Variants in SV2C observed in about 807,000 individuals in gnomAD.
SV2C encodes synaptic vesicle glycoprotein 2C.
In SV2C, 49 loss-of-function variants were observed where a neutral mutation model predicts 79.7. The ratio of observed to expected loss-of-function variants is 0.61; its 90% CI spans 0.49 to 0.78. The LOEUF (loss-of-function observed/expected upper bound fraction) is 0.78, where lower values mean the gene tolerates loss of function less well. SV2C is among the 30% of genes least tolerant of loss of function. SV2C has a pLI of 0.00. For synonymous variants in SV2C, 334 were observed against 333.2 expected, an observed-to-expected ratio of 1.00 and a Z score of -0.03; for missense variants, 833 against 912.9, an observed-to-expected ratio of 0.91 and a Z score of 1.13.
chr5:76,309,990 TG>T (rs1748370115), intron 12 of SV2C, among the ~76,000 whole-genome samples: 1 of 152,020 alleles, frequency 6.6e-6, no homozygotes, highest in Admixed American at 6.5e-5. Context: ...TGAATATTTT[TG>T]TTTGGATGCC....
In SV2C at chr5:76,225,087, A is replaced by T. The variant is rs192992575; in HGVS notation, c.913+15200A>T. On this transcript the variant is annotated intron_variant, in intron 4 of 12. Transcript: ENST00000502798. Reference sequence around the variant, plus strand: ...GGGCCACACTGATGTTTCCTATGTGACTAATTTCCTGAGATTTACAATCAA... The same window carrying T: ...GGGCCACACTGATGTTTCCTATGTGTCTAATTTCCTGAGATTTACAATCAA... Among the ~76,000 whole-genome samples the T allele has an allele frequency of 7.6e-4, 116 of 152,276 alleles. 1 individual carries two copies. The South Asian group carries it at 0.014, about 18-fold the overall frequency.
intron 12 of SV2C, among the ~76,000 whole-genome samples, chr5:76,351,671 A>G (rs931405322): frequency 6.6e-6 from 1 of 152,012 alleles, no homozygotes; most frequent in African/African-American, 2.4e-5. Flanking sequence ...AGCTGCCTCC[A>G]CTCGAGCTGC....
At chr5:76,133,668 C>A (rs1748978945) in intron 2 of SV2C, among the ~76,000 whole-genome samples, 1 of 152,194 alleles carries the variant, frequency 6.6e-6, no homozygotes, top group Admixed American at 6.5e-5. Context: ...CTGGTACACT[C>A]ATTTGTGTGT....
At chr5:76,275,764 C>T (rs576635007) in intron 4 of SV2C, among the ~76,000 whole-genome samples, 145 of 152,322 alleles carry the variant, frequency 9.5e-4, no homozygotes, top group African/African-American at 3.2e-3. Flanking sequence ...TTATTAGCTC[C>T]ACACTGATTA....
At chr5:75,956,686 C>A in the SV2C span, among the ~76,000 whole-genome samples, 1 of 151,844 alleles carries the variant, frequency 6.6e-6, no homozygotes, top group Non-Finnish European at 1.5e-5. Flanking sequence ...TATACTACAC[C>A]AAAGTCAGGG....
At chr5:76,079,353 G>A (rs918396139), upstream of SV2C, 2 of 306,002 alleles carry the variant, frequency 6.5e-6, no homozygotes, top group Non-Finnish European at 1.3e-5. Flanking sequence ...ATTGATGGAT[G>A]TAAGAAATAT....
the SV2C span, among the ~76,000 whole-genome samples, chr5:75,868,868 C>T: frequency 6.6e-6 from 1 of 152,200 alleles, no homozygotes; most frequent in Non-Finnish European, 1.5e-5. Context: ...TACCAAGAAG[C>T]TTTCCCTGGT....
the SV2C span, among the ~76,000 whole-genome samples, chr5:75,934,565 C>A: frequency 6.6e-6 from 1 of 152,042 alleles, no homozygotes; most frequent in Non-Finnish European, 1.5e-5. Context: ...GGATTACAGG[C>A]TTTAGCCGTC....
chr5:75,920,983 T>C, the SV2C span: 5 of 709,312 alleles, frequency 7.0e-6, no homozygotes, highest in South Asian at 4.8e-5. Context: ...GCTCCAGTGC[T>C]GTGTGCTCCC....
Position 76,083,456 on chromosome 5 carries a change from C to A in SV2C, c.-158C>A, listed in dbSNP as rs1447062146. 6.6e-6 allele frequency: 1 copy of A among 152,486 alleles called. No individual in the cohort carries two copies. The highest frequency in any genetic ancestry group is 1.5e-5 in the Non-Finnish European group (1 of 68,270). 9.4% of individuals were successfully genotyped at this position (152,486 alleles called of 1,614,324 possible). A position where few individuals can be genotyped will look rare whatever the true frequency, so the allele number is the denominator to read the frequency against. On this transcript the variant is annotated 5_prime_UTR_variant, in exon 1 of 13. It adds an upstream start codon to the 5' untranslated region. Coordinates refer to ENST00000502798, the MANE Select transcript of SV2C (RefSeq NM_014979.4). ...GAAGCGAGCCGGAGCGGCGCCCGCA[C>A]TGAGGCGGCTGCAGTGCTGACACCA...
chr5:75,894,396 G>T, the SV2C span, among the ~76,000 whole-genome samples: 6 of 152,100 alleles, frequency 3.9e-5, no homozygotes, highest in African/African-American at 1.4e-4. Context: ...ATTTTAATTT[G>T]CCCTATTCTG....
chr5:75,999,026 G>A, the SV2C span, among the ~76,000 whole-genome samples: 132 of 152,190 alleles, frequency 8.7e-4, 1 homozygote, highest in East Asian at 0.012. Context: ...AGGCAAGGAG[G>A]AGCAAGTCAC....
chr5:75,868,602 A>C, the SV2C span, among the ~76,000 whole-genome samples: 6 of 152,358 alleles, frequency 3.9e-5, no homozygotes, highest in Admixed American at 3.3e-4. Flanking sequence ...AAGAAAACCC[A>C]AAAACAAAAT....
At chr5:76,091,930 C>T (rs776331539) in intron 1 of SV2C, 1 of 152,082 alleles carries the variant, frequency 6.6e-6, no homozygotes, top group Non-Finnish European at 1.5e-5. Context: ...TCTATCAGAA[C>T]CTGATCACAT....
In SV2C at chr5:76,285,151, T is replaced by A. The variant is rs545356768; in HGVS notation, c.914-11T>A. The A allele has an allele frequency of 5.0e-6, 8 of 1,613,792 alleles. No individual in the cohort carries two copies. The East Asian group carries it at 1.8e-4, about 36-fold the overall frequency. ...GAGCTCTCCCTCACTCTCCGTGTCCTCCTTTTCCAGGGTGGAGCTTCAGCA... is the reference window on the plus strand; with the variant it reads ...GAGCTCTCCCTCACTCTCCGTGTCCACCTTTTCCAGGGTGGAGCTTCAGCA... On this transcript the variant is annotated splice_polypyrimidine_tract_variant and intron_variant, in intron 4 of 12. Coordinates refer to ENST00000502798, the MANE Select transcript of SV2C (RefSeq NM_014979.4).
chr5:76,276,548 G>A lies in SV2C; in HGVS notation c.914-8614G>A, dbSNP rs138309502. On this transcript the variant is annotated intron_variant, in intron 4 of 12. Coordinates refer to ENST00000502798, the MANE Select transcript of SV2C (RefSeq NM_014979.4). ...TTGCCACTTTGTGCAGGCTGGTCTC[G>A]AACTCCTGACCTCAGGTGATCCACC... 5.2e-3 allele frequency among the ~76,000 whole-genome samples: 793 copies of A among 151,978 alleles called. 7 individuals carry two copies. Among genetic ancestry groups the A allele is most frequent in the African/African-American group, 0.018 (745 of 41,440 alleles).
chr5:76,239,202 A>T (rs1411476639), intron 4 of SV2C, among the ~76,000 whole-genome samples: 1 of 151,990 alleles, frequency 6.6e-6, no homozygotes, highest in Admixed American at 6.6e-5. Context: ...ATCCCTCATT[A>T]TCTCCTCTCC....
the SV2C span, among the ~76,000 whole-genome samples, chr5:75,999,323 CAT>C: frequency 8.8e-6 from 1 of 113,178 alleles, no homozygotes; most frequent in Non-Finnish European, 1.9e-5. Context: ...GATACACACA[CAT>C]ATATATAGGA....
At chr5:76,073,181 T>C in the SV2C span, among the ~76,000 whole-genome samples, 2 of 152,128 alleles carry the variant, frequency 1.3e-5, no homozygotes, top group Admixed American at 1.3e-4. Context: ...ATGTCTAGAA[T>C]GGTTTTTCCA....
Sources: allele counts gnomAD v4.1 joint callset (sites outside exome capture counted in the v4.1 genomes callset), GRCh38; gene constraint gnomAD v4.1.1; transcripts MANE v1.5; gene names NCBI Gene and HGNC (gene_info 2026-07-23, HGNC 2026-07-21).